GALNT15: variants seen among roughly 807,000 people sequenced by gnomAD.
GALNT15 encodes the protein UDP-GalNAc transferase T15.
GALNT15 carries 67 observed loss-of-function variants against 66.8 expected under a neutral mutation model. The observed-to-expected ratio is 1.00, with a 90% CI of 0.82 to 1.23. GALNT15 has a LOEUF of 1.23. Ranked by LOEUF, GALNT15 falls within the 50% of genes most tolerant of loss-of-function variation. The pLI is 0.00. For synonymous variants in GALNT15, 313 were observed against 311.5 expected, an observed-to-expected ratio of 1.00 and a Z score of -0.05; for missense variants, 827 against 804.3, an observed-to-expected ratio of 1.03 and a Z score of -0.34.
rs1482178051 is a variant in GALNT15 at position 16,183,776 on chromosome 3, C to T, written c.539+8086C>T. Among the ~76,000 whole-genome samples, 2 of 152,164 alleles carry T rather than the reference C, an allele frequency of 1.3e-5. No individual in the cohort carries two copies. Among genetic ancestry groups the T allele is most frequent in the African/African-American group, 2.4e-5 (1 of 41,434 alleles). On this transcript the variant is annotated intron_variant, in intron 1 of 9. Coordinates refer to ENST00000339732, the MANE Select transcript of GALNT15 (RefSeq NM_054110.5). The surrounding 1 kb of genome is among the most constrained non-coding windows in gnomAD (Gnocchi z 5.2). ...CTGGCAGAAACCTTTCTACTCTGGC[C>T]AGGCAAGGGGAGGGAGGGAAGAGCG...
At chr3:16,246,651 G>A in the GALNT15 span, among the ~76,000 whole-genome samples, 1 of 152,110 alleles carries the variant, frequency 6.6e-6, no homozygotes, top group East Asian at 1.9e-4. Context: ...TTTTTATGAG[G>A]GAAACATGTT....
intron 6 of GALNT15, among the ~76,000 whole-genome samples, chr3:16,216,796 A>G (rs2063883889): frequency 6.6e-6 from 1 of 152,206 alleles, no homozygotes; most frequent in Admixed American, 6.5e-5. Flanking sequence ...TCCCGGAGGA[A>G]GGTCATGTAC....
intron 1 of GALNT15, among the ~76,000 whole-genome samples, chr3:16,178,158 T>C (rs2063430883): frequency 6.6e-6 from 1 of 152,146 alleles, no homozygotes; most frequent in Non-Finnish European, 1.5e-5. Context: ...GAGTGATACA[T>C]GTGTATATGT....
At chr3:16,239,313 C>G in the GALNT15 span, among the ~76,000 whole-genome samples, 1 of 152,128 alleles carries the variant, frequency 6.6e-6, no homozygotes, top group Non-Finnish European at 1.5e-5. The surrounding 1 kb of genome is among the most constrained non-coding windows in gnomAD (Gnocchi z 5.2). Flanking sequence ...GTTCTGCAAA[C>G]CAGGAAGTGG....
rs1394911 is a variant in GALNT15 at position 16,229,578 on chromosome 3, C to T, written c.*2078C>T. 64,578 of 984,988 alleles carry T rather than the reference C, an allele frequency of 0.066. 2,147 individuals carry two copies. The highest frequency in any genetic ancestry group is 0.078 in the Admixed American group (1,262 of 16,274). The allele number at this position is 984,988 out of a possible 1,614,324, so 61.0% of individuals were successfully genotyped here. On this transcript the variant is annotated 3_prime_UTR_variant, in exon 10 of 10. Coordinates refer to ENST00000339732, the MANE Select transcript of GALNT15 (RefSeq NM_054110.5). ...ATTTCCCTAAATCCTGAGACTGAGA[C>T]GGAGCTACAAATTCTCAGATGGCGA...
chr3:16,246,151 T>C, the GALNT15 span, among the ~76,000 whole-genome samples: 12,879 of 152,064 alleles, frequency 0.085, 970 homozygotes, highest in African/African-American at 0.21. Context: ...GGAAACAACC[T>C]GACCTCCTTA....
downstream of GALNT15, among the ~76,000 whole-genome samples, chr3:16,232,463 TAAATAA>T (rs1260005100): frequency 7.6e-3 from 245 of 32,204 alleles, 11 homozygotes; most frequent in Middle Eastern, 0.013. Flanking sequence ...AATAAATAAA[TAAATAA>T]ATATATATAT....
At chr3:16,205,025 G>A (rs2063743126) in intron 3 of GALNT15, among the ~76,000 whole-genome samples, 1 of 152,196 alleles carries the variant, frequency 6.6e-6, no homozygotes, top group Non-Finnish European at 1.5e-5. Flanking sequence ...CCCCCAGAGG[G>A]AGCAGCCTTC....
intron 1 of GALNT15, among the ~76,000 whole-genome samples, chr3:16,178,550 A>C (rs544504797): frequency 8.6e-4 from 131 of 152,234 alleles, no homozygotes; most frequent in African/African-American, 3.0e-3. Flanking sequence ...CGGCCTGCGC[A>C]GCCCAGGCCT....
intron 6 of GALNT15, among the ~76,000 whole-genome samples, chr3:16,215,950 G>GAA (rs2063871066): frequency 1.4e-5 from 2 of 147,092 alleles, no homozygotes; most frequent in African/African-American, 5.0e-5. Context: ...AGAAGAAGAA[G>GAA]GCGCTCAATA....
At chr3:16,185,768 TA>T (rs1288940510) in intron 1 of GALNT15, among the ~76,000 whole-genome samples, 1 of 151,802 alleles carries the variant, frequency 6.6e-6, no homozygotes, top group African/African-American at 2.4e-5. Flanking sequence ...GATAGATAGA[TA>T]GATAGATAGA....
rs1302553968 is a variant in GALNT15, at chr3:16,219,038, ACTCCTG to A, written c.1393-364_1393-359del. ...ACCATGTTGGCCAGGCTGGTCTTGAACTCCTGACCTCAAGTGATCCACCAGCCTCGG... is the reference window on the plus strand; with the variant it reads ...ACCATGTTGGCCAGGCTGGTCTTGAAACCTCAAGTGATCCACCAGCCTCGG... On this transcript the variant is annotated intron_variant, in intron 6 of 9. Coordinates refer to ENST00000339732, the MANE Select transcript of GALNT15 (RefSeq NM_054110.5). The surrounding 1 kb of genome is among the most constrained non-coding windows in gnomAD (Gnocchi z 4.3). Among the ~76,000 whole-genome samples the A allele has an allele frequency of 6.6e-6, 1 of 150,688 alleles. No homozygotes were observed. The highest frequency in any genetic ancestry group is 1.5e-5 in the Non-Finnish European group (1 of 67,654).
Position 16,220,022 on chromosome 3 carries a change from G to T in GALNT15, c.1629+8G>T. The T allele has an allele frequency of 6.2e-7, 1 of 1,606,108 alleles. No homozygotes were observed. The highest frequency in any genetic ancestry group is 1.1e-5 in the South Asian group (1 of 90,940). On this transcript the variant is annotated splice_region_variant and intron_variant, in intron 8 of 9. Transcript: ENST00000339732. ...GACAGCCGGCAGCAACAGGTGGGTA[G>T]TCAGACTTCTCAGGATGGATGATAG...
chr3:16,200,837 T>C lies in GALNT15; in HGVS notation c.911+14T>C. On this transcript the variant is annotated intron_variant, in intron 3 of 9. Transcript: ENST00000339732. This position sits in a 1 kb window ranked among gnomAD's most constrained non-coding sequence, Gnocchi z 4.4. The stretch of plus-strand genomic sequence containing the variant: ...AGCTGGTGACAGGTAACTTATTCCC[T>C]GGGCTTGCAAAGCAAGACATGGAAC... 1 of 1,586,062 alleles carries C rather than the reference T, an allele frequency of 6.3e-7. No individual in the cohort carries two copies. Among genetic ancestry groups the C allele is most frequent in the Non-Finnish European group, 8.6e-7 (1 of 1,166,284 alleles).
At position 16,201,342 on chromosome 3, in the gene GALNT15, C is replaced by T. The variant is rs990695940; in HGVS notation, c.911+519C>T. Among the ~76,000 whole-genome samples, 30 of 152,078 alleles carry T rather than the reference C, an allele frequency of 2.0e-4. No homozygotes were observed. The East Asian group carries it at 2.1e-3, about 11-fold the overall frequency. ...GACTACAGGCGCCCGCCACCACACC[C>T]GGCTAATTTTTTGTATTTTTAGTAG... On this transcript the variant is annotated intron_variant, in intron 3 of 9. Coordinates refer to ENST00000339732, the MANE Select transcript of GALNT15 (RefSeq NM_054110.5).
intron 6 of GALNT15, 111 bp downstream of exon 6, chr3:16,212,874 C>T (rs977223778): frequency 2.1e-6 from 2 of 934,476 alleles, no homozygotes; most frequent in Non-Finnish European, 3.2e-6. Context: ...AAGATTCTGG[C>T]TTGAGCTTCC....
chr3:16,212,774 A>G lies in GALNT15; in HGVS notation c.1392+11A>G. 5 of 1,608,662 alleles carry G rather than the reference A, an allele frequency of 3.1e-6. No individual in the cohort carries two copies. The highest frequency in any genetic ancestry group is 4.2e-6 in the Non-Finnish European group (5 of 1,177,176). ...TTCTCCTTGAGCAAGGTAAGGAGAG[A>G]GCCAAGTGGGGCTTCTGTGTCCAGC... On this transcript the variant is annotated intron_variant, in intron 6 of 9. Coordinates refer to ENST00000339732, the MANE Select transcript of GALNT15 (RefSeq NM_054110.5).
rs947715325 is a variant in GALNT15 at position 16,191,414 on chromosome 3, A to T, written c.540-4346A>T. ...CTGTTCTTGGTGCTTTATAAAGATC[A>T]TTTCATCTCCACAACAGCAAATCCC... On this transcript the variant is annotated intron_variant, in intron 1 of 9. Transcript: ENST00000339732. This position sits in a 1 kb window ranked among gnomAD's most constrained non-coding sequence, Gnocchi z 5.2. 2 of 841,626 alleles carry T rather than the reference A, an allele frequency of 2.4e-6. No homozygotes were observed. Among genetic ancestry groups the T allele is most frequent in the African/African-American group, 3.7e-5 (2 of 54,284 alleles). 52.1% of individuals were successfully genotyped at this position (841,626 alleles called of 1,614,324 possible).
Position 16,195,920 on chromosome 3 carries a change from C to T in GALNT15, c.700C>T (p.Gln234Ter). The change falls in exon 2 of 10, where the codon CAG becomes TAG. Residue 234 changes from glutamine to a stop codon, truncating the protein, a stop_gained. Coordinates refer to ENST00000339732, the MANE Select transcript of GALNT15 (RefSeq NM_054110.5). LOFTEE classifies it high-confidence loss of function. This position sits in a 1 kb window ranked among gnomAD's most constrained non-coding sequence, Gnocchi z 4.6. ...KEIILVDDLS[Q>*]QGQLKSALSE... Reference sequence around the variant, plus strand: ...GATCATCCTCGTGGACGACCTCAGCCAGCAAGGTAGCCACGGCTTTCCTCC... The same window carrying T: ...GATCATCCTCGTGGACGACCTCAGCTAGCAAGGTAGCCACGGCTTTCCTCC... The T allele has an allele frequency of 1.9e-6, 3 of 1,614,032 alleles. No homozygotes were observed. Among genetic ancestry groups the T allele is most frequent in the Non-Finnish European group, 2.5e-6 (3 of 1,179,972 alleles).
Sources: allele counts gnomAD v4.1 joint callset (sites outside exome capture counted in the v4.1 genomes callset), GRCh38; gene constraint gnomAD v4.1.1; non-coding constraint Gnocchi (gnomAD v3.1); transcripts MANE v1.5; gene names NCBI Gene and HGNC (gene_info 2026-07-23, HGNC 2026-07-21).